TMEM94: variants seen among roughly 807,000 people sequenced by gnomAD.
TMEM94 encodes ER Mg2+ ATPase.
Under a neutral mutation model 158.6 loss-of-function variants are expected in TMEM94, and 81 were observed. The ratio of observed to expected loss-of-function variants is 0.51; its 90% CI spans 0.43 to 0.61. TMEM94 has a LOEUF of 0.61. Among genes scored for constraint, TMEM94 ranks in the 20% least tolerant of loss-of-function variants. The pLI is 0.00. For missense variants in TMEM94, 1,435 were observed against 1,762.0 expected, an observed-to-expected ratio of 0.81 and a Z score of 3.32; for synonymous variants, 751 against 730.7, an observed-to-expected ratio of 1.03 and a Z score of -0.45.
chr17:75,476,472 A>G, intron 2 of TMEM94: 1 of 1,383,568 alleles, frequency 7.2e-7, no homozygotes, highest in Non-Finnish European at 9.3e-7. Context: ...CCCTCCCTGA[A>G]TCTGCAGCGT....
At chr17:75,490,057 G>A (rs1251189507) in intron 9 of TMEM94, 177 bp from the exon 10 acceptor site, 8 of 855,546 alleles carry the variant, frequency 9.4e-6, no homozygotes, top group East Asian at 8.7e-5. Context: ...CCAGCCTGGC[G>A]ACGGAGCAAG....
At chr17:75,484,882 C>T (rs916554052) in intron 2 of TMEM94, among the ~76,000 whole-genome samples, 2 of 151,864 alleles carry the variant, frequency 1.3e-5, no homozygotes, top group African/African-American at 4.8e-5. Flanking sequence ...ACTAAAAGTA[C>T]AAAAAATTAG....
At position 75,498,414 on chromosome 17, in the gene TMEM94, A is replaced by T. The variant is rs1264339934; in HGVS notation, c.3639-30A>T. ...CCAGCCTACCTCCCTGCGGCCCTAG[A>T]GGGGCTGAGCCCATGCCTCACTTTG... On this transcript the variant is annotated intron_variant, in intron 28 of 31. Transcript: ENST00000314256. This position sits in a 1 kb window ranked among gnomAD's most constrained non-coding sequence, Gnocchi z 6.7. 2.4e-5 allele frequency: 38 copies of T among 1,604,560 alleles called. No homozygotes were observed. The highest frequency in any genetic ancestry group is 3.1e-5 in the Non-Finnish European group (37 of 1,174,642).
intron 26 of TMEM94, 104 bp from the exon 27 acceptor site, chr17:75,497,677 C>A: frequency 1.2e-6 from 1 of 859,774 alleles, no homozygotes; most frequent in Non-Finnish European, 1.9e-6. Context: ...CATCCCCTCA[C>A]CAGACTCGAC....
intron 1 of TMEM94, among the ~76,000 whole-genome samples, chr17:75,465,825 C>A (rs1017147365): frequency 5.3e-5 from 8 of 151,632 alleles, no homozygotes; most frequent in African/African-American, 1.9e-4. Context: ...AGGCATGAAC[C>A]ACTGTGCCCA....
chr17:75,500,337 G>T lies in TMEM94; in HGVS notation c.*1003G>T. On this transcript the variant is annotated 3_prime_UTR_variant, in exon 32 of 32. Transcript: ENST00000314256. ...TTACAGAGCCAGGGCCTGGGCCAAT[G>T]GGGTCAGGCTCTCCCTGCCCTCAGG... 1 of 152,366 alleles carries T rather than the reference G, an allele frequency of 6.6e-6. No homozygotes were observed. 9.4% of individuals were successfully genotyped at this position (152,366 alleles called of 1,614,324 possible). A position where few individuals can be genotyped will look rare whatever the true frequency, so the allele number is the denominator to read the frequency against.
chr17:75,490,154 T>G (rs1598405082), intron 9 of TMEM94, 80 bp from the exon 10 acceptor site: 2 of 1,551,512 alleles, frequency 1.3e-6, no homozygotes, highest in Non-Finnish European at 8.7e-7. Flanking sequence ...GGAATGGCCG[T>G]GGGGCCAGGG....
intron 2 of TMEM94, chr17:75,476,489 A>G: frequency 7.2e-7 from 1 of 1,397,366 alleles, no homozygotes; most frequent in Middle Eastern, 2.7e-4. Context: ...GCGTGACTAG[A>G]AATAGGCTGA....
intron 1 of TMEM94, among the ~76,000 whole-genome samples, chr17:75,465,172 C>T (rs1224991809): frequency 2.6e-5 from 4 of 151,912 alleles, no homozygotes; most frequent in African/African-American, 9.7e-5. Context: ...ATTGGTCTCT[C>T]GTTGTGGTTT....
rs768148066 is a variant in TMEM94, at chr17:75,499,033, C to G, written c.3949C>G (p.Leu1317Val). The change falls in exon 31 of 32, where the codon CTG (leucine) becomes GTG (valine). Residue 1317 changes from leucine to valine, a missense_variant. Physicochemically the swap from Leu to Val is conservative, Grantham distance 32 (BLOSUM62 1). Around this residue, in one of 3 missense-constraint regions of TMEM94, gnomAD observed 335 missense variants for 409.1 expected, o/e 0.82. Transcript: ENST00000314256. ...LLTWLLGCLS[L>V]VLVVVTNEIV... ...GACATGGCTCCTGGGCTGCCTGTCCCTGGTCCTTGTGGTGGTGACCAATGA... is the reference window on the plus strand; with the variant it reads ...GACATGGCTCCTGGGCTGCCTGTCCGTGGTCCTTGTGGTGGTGACCAATGA... 1 of 1,602,752 alleles carries G rather than the reference C, an allele frequency of 6.2e-7. No homozygotes were observed. Among genetic ancestry groups the G allele is most frequent in the Non-Finnish European group, 8.5e-7 (1 of 1,176,066 alleles).
Position 75,485,278 on chromosome 17 carries a change from C to A in TMEM94, c.25-150C>A. ...TTTGGTGGAGATGGACATGGTCACA[C>A]CTTGAGAGGCCAGAGCTGGTAGGGG... is the stretch of plus-strand genomic sequence containing the variant. On this transcript the variant is annotated intron_variant, in intron 2 of 31. Transcript: ENST00000314256. This position sits in a 1 kb window ranked among gnomAD's most constrained non-coding sequence, Gnocchi z 5.5. The A allele has an allele frequency of 1.2e-6, 1 of 812,060 alleles. No homozygotes were observed. The highest frequency in any genetic ancestry group is 1.9e-6 in the Non-Finnish European group (1 of 523,514). 50.3% of individuals were successfully genotyped at this position (812,060 alleles called of 1,614,324 possible).
rs559923301 is a variant in TMEM94, at chr17:75,458,839, C to T, written c.-107+2088C>T. Among the ~76,000 whole-genome samples, 3 of 152,012 alleles carry T rather than the reference C, an allele frequency of 2.0e-5. No homozygotes were observed. The East Asian group carries it at 5.8e-4, about 29-fold the overall frequency. ...TTGGGAGGCAGAGGCAGGCGGATCA[C>T]GAGGTCAGGAGATCAAGACCATCCT... On this transcript the variant is annotated intron_variant, in intron 1 of 31. Transcript: ENST00000314256.
chr17:75,485,351 A>G lies in TMEM94; in HGVS notation c.25-77A>G, dbSNP rs1253959432. ...GAGGGGAAGGATGAAGGGCCAGGGA[A>G]GGGGAGGGTTGGGGCCCGCGTGCCT... On this transcript the variant is annotated intron_variant, in intron 2 of 31. Coordinates refer to ENST00000314256, the MANE Select transcript of TMEM94 (RefSeq NM_014738.6). The surrounding 1 kb of genome is among the most constrained non-coding windows in gnomAD (Gnocchi z 5.5). The G allele has an allele frequency of 6.5e-6, 10 of 1,532,816 alleles. No homozygotes were observed. The highest frequency in any genetic ancestry group is 8.9e-6 in the Non-Finnish European group (10 of 1,127,028). The allele number at this position is 1,532,816 out of a possible 1,614,324, so 95.0% of individuals were successfully genotyped here.
rs1197974440 is a variant in TMEM94, at chr17:75,491,122, C to T, written c.1202C>T (p.Ser401Phe). The change falls in exon 12 of 32, where the codon TCC becomes TTC. Residue 401 changes from serine (S) to phenylalanine (F), a missense_variant. Around this residue, in one of 3 missense-constraint regions of TMEM94, gnomAD observed 1,051 missense variants for 1,254.4 expected, o/e 0.84. Coordinates refer to ENST00000314256, the MANE Select transcript of TMEM94 (RefSeq NM_014738.6). The surrounding 1 kb of genome is among the most constrained non-coding windows in gnomAD (Gnocchi z 5.1). Reference protein sequence around the residue: ...GGTSPTLSHSSSLLHSLGSVT... With the variant: ...GGTSPTLSHSFSLLHSLGSVT... ...ACATCGCCAACGCTGAGCCACAGTT[C>T]CAGCCTGCTGCACAGCCTGGGCTCT... is the stretch of plus-strand genomic sequence containing the variant. 1 of 1,613,458 alleles carries T rather than the reference C, an allele frequency of 6.2e-7. No homozygotes were observed. Among genetic ancestry groups the T allele is most frequent in the East Asian group, 2.2e-5 (1 of 44,878 alleles).
In TMEM94 at chr17:75,476,889, GAC is replaced by G; in HGVS notation, c.24+4961_24+4962del. 8 of 1,336,834 alleles carry G rather than the reference GAC, an allele frequency of 6.0e-6. No individual in the cohort carries two copies. In the South Asian group the frequency reaches 1.2e-4, roughly 20 times the overall value. 82.8% of individuals were successfully genotyped at this position (1,336,834 alleles called of 1,614,324 possible). On this transcript the variant is annotated intron_variant, in intron 2 of 31. Coordinates refer to ENST00000314256, the MANE Select transcript of TMEM94 (RefSeq NM_014738.6). ...TGCTTGAATGAGCATGGGTAGCTGG[GAC>G]CTGGGAAGGGGATTGGGAATGAGAG... is the stretch of plus-strand genomic sequence containing the variant.
At chr17:75,486,717 A>G (rs573574906) in intron 5 of TMEM94, among the ~76,000 whole-genome samples, 2 of 152,292 alleles carry the variant, frequency 1.3e-5, no homozygotes, top group South Asian at 2.1e-4. Flanking sequence ...GTCCTCTCAC[A>G]TGGCAGGAGG....
chr17:75,486,906 C>T (rs2051673620), intron 5 of TMEM94, among the ~76,000 whole-genome samples: 1 of 152,058 alleles, frequency 6.6e-6, no homozygotes, highest in Non-Finnish European at 1.5e-5. Context: ...GCCTTTCATT[C>T]AGGCGGTGTT....
At chr17:75,480,157 C>G (rs1002980793) in intron 2 of TMEM94, among the ~76,000 whole-genome samples, 3 of 152,142 alleles carry the variant, frequency 2.0e-5, no homozygotes, top group Non-Finnish European at 4.4e-5. Flanking sequence ...TTTCGACCCC[C>G]TGCTGGAGAG....
chr17:75,498,309 C>T lies in TMEM94; in HGVS notation c.3624C>T (p.Ser1208=), dbSNP rs374927720. 8.9e-5 allele frequency: 143 copies of T among 1,613,048 alleles called. No individual in the cohort carries two copies. Among genetic ancestry groups the T allele is most frequent in the Non-Finnish European group, 1.1e-4 (126 of 1,180,026 alleles). The part of the protein sequence containing the change: ...SRDRNLTNCS[S]VMLPSNDDRA... ...ACCGCAACCTCACCAACTGCTCCTC[C>T]GTCATGCTGCCCAGGTGGGTCCCAG... The change falls in exon 28 of 32, where the codon TCC becomes TCT. Residue 1208 remains serine, a synonymous_variant. Coordinates refer to ENST00000314256, the MANE Select transcript of TMEM94 (RefSeq NM_014738.6). This position sits in a 1 kb window ranked among gnomAD's most constrained non-coding sequence, Gnocchi z 6.7.
Sources: gnomAD v4.1 joint callset for allele counts (sites outside exome capture counted in the v4.1 genomes callset) on GRCh38, gnomAD v4.1.1 for gene constraint, gnomAD v4.1.1 regional missense constraint, Gnocchi (gnomAD v3.1) non-coding constraint, MANE v1.5 for transcripts, NCBI Gene and HGNC (gene_info 2026-07-23, HGNC 2026-07-21) for gene names.